SPINK5: variants seen among roughly 807,000 people sequenced by gnomAD.
The protein encoded by SPINK5 is serine peptidase inhibitor Kazal type 5, also known as serine protease inhibitor Kazal-type 5.
In SPINK5, 125 loss-of-function variants were observed where a neutral mutation model predicts 151.8. The observed-to-expected ratio is 0.82, with a 90% CI of 0.71 to 0.96. SPINK5 has a LOEUF of 0.96. SPINK5 is among the 40% of genes least tolerant of loss of function. The pLI is 0.00. For missense variants in SPINK5, 1,194 were observed against 1,291.9 expected, an observed-to-expected ratio of 0.92 and a Z score of 1.16; for synonymous variants, 374 against 395.3, an observed-to-expected ratio of 0.95 and a Z score of 0.64.
chr5:148,073,856 AC>A (rs1752809520), intron 4 of SPINK5, among the ~76,000 whole-genome samples: 9 of 143,276 alleles, frequency 6.3e-5, no homozygotes, highest in Admixed American at 4.8e-4. Context: ...ACACACACAC[AC>A]ACACAAAACT....
chr5:148,085,258 T>C (rs1753123019), intron 4 of SPINK5, among the ~76,000 whole-genome samples: 1 of 151,966 alleles, frequency 6.6e-6, no homozygotes, highest in Admixed American at 6.6e-5. Context: ...ACTTTTATTC[T>C]TTATATTATG....
In SPINK5 at chr5:148,118,826, G is replaced by C. The variant is rs3764927; in HGVS notation, c.2241-160G>C. ...TCATGATAGACCCTTGTTCTTTATT[G>C]TGCCAGAATCCTAGGAAGACTTTGT... On this transcript the variant is annotated intron_variant, in intron 23 of 32. Transcript: ENST00000256084. Among the ~76,000 whole-genome samples the C allele has an allele frequency of 0.54, 82,442 of 151,934 alleles. 23,515 individuals carry two copies. The highest frequency in any genetic ancestry group is 0.64 in the Admixed American group (9,789 of 15,282).
chr5:148,113,037 A>G lies in SPINK5; in HGVS notation c.1887+103A>G. 5.8e-6 allele frequency: 9 copies of G among 1,545,008 alleles called. No individual in the cohort carries two copies. In the South Asian group the frequency reaches 9.4e-5, roughly 16 times the overall value. ...CTGAAACCCCAGTTGTGAGGGAACT[A>G]GGGGTTCATTTAGTCCAGGGGTTGA... On this transcript the variant is annotated intron_variant, in intron 20 of 32. Transcript: ENST00000256084.
At chr5:148,094,590 T>C (rs1261004449) in intron 9 of SPINK5, 109 bp downstream of exon 9, 2 of 1,580,000 alleles carry the variant, frequency 1.3e-6, no homozygotes, top group African/African-American at 1.4e-5. Flanking sequence ...TTGAGAACCA[T>C]CTGAGCAGTT....
intron 28 of SPINK5, chr5:148,125,416 T>A (rs995070872): frequency 2.0e-6 from 2 of 1,025,528 alleles, no homozygotes; most frequent in Admixed American, 4.0e-5. Context: ...TGTCCTTTTG[T>A]CAAAAGCATG....
At chr5:148,067,459 T>C (rs893327814) in intron 2 of SPINK5, among the ~76,000 whole-genome samples, 8 of 152,194 alleles carry the variant, frequency 5.3e-5, no homozygotes, top group African/African-American at 1.9e-4. Flanking sequence ...TTGGTCTAAA[T>C]ATGCTTCTGT....
intron 4 of SPINK5, among the ~76,000 whole-genome samples, chr5:148,074,811 TCTA>T (rs1235662053): frequency 6.6e-6 from 1 of 151,778 alleles, no homozygotes; most frequent in African/African-American, 2.4e-5. Flanking sequence ...ATAATTTTGA[TCTA>T]CTTTATAAAA....
intron 23 of SPINK5, among the ~76,000 whole-genome samples, 180 bp downstream of exon 23, chr5:148,118,744 C>T (rs1754169745): frequency 6.6e-6 from 1 of 152,160 alleles, no homozygotes. Flanking sequence ...GGGCAGCTAA[C>T]CAAGTGGCTG....
chr5:148,126,598 T>C (rs899653279), intron 29 of SPINK5, among the ~76,000 whole-genome samples: 1 of 93,416 alleles, frequency 1.1e-5, no homozygotes, highest in Non-Finnish European at 2.5e-5. Flanking sequence ...TTTATTTATT[T>C]ATTTATTTAT....
chr5:148,112,851 C>T lies in SPINK5; in HGVS notation c.1821-17C>T, dbSNP rs755299205. On this transcript the variant is annotated splice_polypyrimidine_tract_variant and intron_variant, in intron 19 of 32. Transcript: ENST00000256084. ...TGGGTGCTAGGAATGATTGTTTTGT[C>T]CTCCCTTTTCTTATAGCCAGCAAGA... 4 of 1,613,604 alleles carry T rather than the reference C, an allele frequency of 2.5e-6. No individual in the cohort carries two copies. The highest frequency in any genetic ancestry group is 1.6e-4 in the Middle Eastern group (1 of 6,078).
intron 24 of SPINK5, among the ~76,000 whole-genome samples, chr5:148,119,457 A>G (rs968517026): frequency 6.6e-6 from 1 of 152,182 alleles, no homozygotes; most frequent in Admixed American, 6.5e-5. Context: ...CACATTTATT[A>G]TCTTATATTT....
intron 27 of SPINK5, 82 bp from the exon 28 acceptor site, chr5:148,124,683 A>C: frequency 1.8e-6 from 2 of 1,092,360 alleles, no homozygotes; most frequent in Non-Finnish European, 2.5e-6. Context: ...TAATGTTTAG[A>C]ATCGCAGAAA....
At chr5:148,105,037 AT>A in intron 16 of SPINK5, 37 bp downstream of exon 16, 1 of 1,600,702 alleles carries the variant, frequency 6.2e-7, no homozygotes, top group Non-Finnish European at 8.6e-7. Flanking sequence ...GTGCCCTGAC[AT>A]TTTTCATTTC....
chr5:148,096,782 C>CTTTT (rs1213979037), intron 10 of SPINK5, among the ~76,000 whole-genome samples: 1 of 88,182 alleles, frequency 1.1e-5, no homozygotes, highest in Non-Finnish European at 2.2e-5. Flanking sequence ...TTCTTTCTTT[C>CTTTT]TTTTTTTTCT....
chr5:148,093,234 T>C (rs1389145448), intron 8 of SPINK5, among the ~76,000 whole-genome samples: 1 of 151,982 alleles, frequency 6.6e-6, no homozygotes, highest in African/African-American at 2.4e-5. Flanking sequence ...AGTATCATTT[T>C]TTTGGTAAAG....
At chr5:148,076,382 C>T (rs2113017267) in intron 4 of SPINK5, among the ~76,000 whole-genome samples, 1 of 150,902 alleles carries the variant, frequency 6.6e-6, no homozygotes, top group Non-Finnish European at 1.5e-5. Context: ...AATCCAGCCA[C>T]AGAAGCAAAA....
intron 4 of SPINK5, among the ~76,000 whole-genome samples, chr5:148,075,483 A>G (rs1454978051): frequency 6.6e-6 from 1 of 151,646 alleles, no homozygotes; most frequent in Non-Finnish European, 1.5e-5. Context: ...ATTTGCAATT[A>G]TGTTCTTAAG....
intron 17 of SPINK5, among the ~76,000 whole-genome samples, chr5:148,107,617 ATTG>A (rs1753816473): frequency 6.6e-6 from 1 of 152,206 alleles, no homozygotes; most frequent in Admixed American, 6.5e-5. Context: ...AATAGGAAGG[ATTG>A]TTATTTATCC....
At chr5:148,097,776 T>G (rs1330697882) in intron 10 of SPINK5, 91 bp from the exon 11 acceptor site, 35 of 1,349,562 alleles carry the variant, frequency 2.6e-5, no homozygotes, top group Non-Finnish European at 3.3e-5. Flanking sequence ...TTTTTCATCC[T>G]TAATTTCTCT....
Sources: gnomAD v4.1 joint callset for allele counts (sites outside exome capture counted in the v4.1 genomes callset) on GRCh38, gnomAD v4.1.1 for gene constraint, MANE v1.5 for transcripts, NCBI Gene and HGNC (gene_info 2026-07-23, HGNC 2026-07-21) for gene names.